CFAP299: variants seen among roughly 807,000 people sequenced by gnomAD.
CFAP299 encodes the protein cilia and flagella associated protein 299.
CFAP299 carries 21 observed loss-of-function variants against 27.0 expected under a neutral mutation model. That is an observed-to-expected ratio of 0.78 (90% CI 0.55 to 1.12). The LOEUF (loss-of-function observed/expected upper bound fraction) is 1.12, where lower values mean the gene tolerates loss of function less well. Ranked by LOEUF, CFAP299 falls within the 50% of genes most tolerant of loss-of-function variation. CFAP299 has a pLI of 0.00. For missense variants in CFAP299, 310 were observed against 276.6 expected, an observed-to-expected ratio of 1.12 and a Z score of -0.86; for synonymous variants, 104 against 98.1, an observed-to-expected ratio of 1.06 and a Z score of -0.36.
intron 2 of CFAP299, among the ~76,000 whole-genome samples, chr4:80,475,621 C>T (rs566100473): frequency 3.3e-5 from 5 of 152,162 alleles, no homozygotes; most frequent in East Asian, 1.9e-4. Flanking sequence ...AATATCTTTT[C>T]GATATGTTAA....
At chr4:80,679,103 C>A (rs1466675634) in intron 3 of CFAP299, among the ~76,000 whole-genome samples, 3 of 152,050 alleles carry the variant, frequency 2.0e-5, no homozygotes, top group Non-Finnish European at 4.4e-5. Context: ...AACCTCTAGG[C>A]TGCTCTTCAT....
At chr4:80,725,111 ATTTT>A (rs70956062) in intron 3 of CFAP299, among the ~76,000 whole-genome samples, 9,301 of 88,090 alleles carry the variant, frequency 0.11, 365 homozygotes, top group African/African-American at 0.22. Flanking sequence ...TGCCTGGCCA[ATTTT>A]TTTTTTTTTT....
At chr4:80,684,467 G>A (rs528019883) in intron 3 of CFAP299, among the ~76,000 whole-genome samples, 17 of 152,056 alleles carry the variant, frequency 1.1e-4, no homozygotes, top group Admixed American at 5.2e-4. Context: ...GGGTTTCACC[G>A]CGTTAGCCAG....
chr4:80,879,890 G>A (rs999737351), intron 4 of CFAP299, among the ~76,000 whole-genome samples: 2 of 152,144 alleles, frequency 1.3e-5, no homozygotes, highest in Non-Finnish European at 2.9e-5. Context: ...AGCATGAAAA[G>A]TCAAGTCAGT....
At chr4:80,447,119 G>GTTTTTTTTTTTTTT (rs71641487) in intron 2 of CFAP299, among the ~76,000 whole-genome samples, 2 of 65,504 alleles carry the variant, frequency 3.1e-5, no homozygotes, top group African/African-American at 9.5e-5. Context: ...CTTTTTATTT[G>GTTTTTTTTTTTTTT]TTTTTTTTTT....
chr4:80,938,669 G>C (rs1737045622), intron 4 of CFAP299, among the ~76,000 whole-genome samples: 1 of 152,128 alleles, frequency 6.6e-6, no homozygotes, highest in South Asian at 2.1e-4. Flanking sequence ...AGCGCTGCTA[G>C]GTTAGGGTCT....
chr4:80,369,181 C>G (rs1724006698), intron 2 of CFAP299, among the ~76,000 whole-genome samples: 1 of 152,212 alleles, frequency 6.6e-6, no homozygotes, highest in Admixed American at 6.5e-5. Context: ...AAGCTGTCAG[C>G]TCATGAAGCT....
intron 3 of CFAP299, among the ~76,000 whole-genome samples, chr4:80,807,500 T>C (rs1386241339): frequency 6.6e-6 from 1 of 152,074 alleles, no homozygotes; most frequent in Admixed American, 6.6e-5. Flanking sequence ...ATTTAATGCT[T>C]TAGAAAACTC....
intron 2 of CFAP299, among the ~76,000 whole-genome samples, chr4:80,382,856 T>C (rs1048866191): frequency 1.8e-4 from 28 of 152,216 alleles, no homozygotes. Context: ...ATATAAATCA[T>C]TTTATCATAA....
rs149616053 is a variant in CFAP299 at position 80,381,865 on chromosome 4, A to G, written c.242+18981A>G. Among the ~76,000 whole-genome samples, 497 of 152,238 alleles carry G rather than the reference A, an allele frequency of 3.3e-3. 4 individuals are homozygous for G. The highest frequency in any genetic ancestry group is 0.011 in the African/African-American group (460 of 41,540). On this transcript the variant is annotated intron_variant, in intron 2 of 5. Transcript: ENST00000358105. ...TATGCTTCTGGGAAATAGTTTCAAAACATTTCCTTCCTCCTGTTCCTTTTT... is the reference window on the plus strand; with the variant it reads ...TATGCTTCTGGGAAATAGTTTCAAAGCATTTCCTTCCTCCTGTTCCTTTTT...
At chr4:80,771,090 G>A (rs1726187384) in intron 3 of CFAP299, among the ~76,000 whole-genome samples, 1 of 152,080 alleles carries the variant, frequency 6.6e-6, no homozygotes, top group Admixed American at 6.6e-5. Context: ...CTAGGCATGC[G>A]TAACAGGGAG....
intron 3 of CFAP299, among the ~76,000 whole-genome samples, chr4:80,606,488 C>G (rs1278766282): frequency 6.6e-6 from 1 of 151,980 alleles, no homozygotes; most frequent in Non-Finnish European, 1.5e-5. Flanking sequence ...TGTGCCAAGA[C>G]CCTGCCATTG....
At chr4:80,495,125 C>A (rs1731369579) in intron 2 of CFAP299, among the ~76,000 whole-genome samples, 1 of 152,182 alleles carries the variant, frequency 6.6e-6, no homozygotes, top group South Asian at 2.1e-4. Context: ...CATATATAGA[C>A]AGGCTAAATT....
chr4:80,417,428 C>T (rs1578420078), intron 2 of CFAP299, among the ~76,000 whole-genome samples: 1 of 152,202 alleles, frequency 6.6e-6, no homozygotes, highest in East Asian at 1.9e-4. Context: ...TTTTACCCAG[C>T]CCCTATTCAA....
intron 3 of CFAP299, among the ~76,000 whole-genome samples, chr4:80,829,563 T>C (rs1171993552): frequency 2.0e-5 from 3 of 152,062 alleles, no homozygotes; most frequent in Non-Finnish European, 4.4e-5. Flanking sequence ...GATCCAGCAA[T>C]TTGATTTCTA....
chr4:80,944,817 A>G lies in CFAP299; in HGVS notation c.484A>G (p.Asn162Asp). The part of the protein sequence containing the change: ...LPRPTDISFY[N>D]WDADIAVSNS... ...AAATGTTTATTTTTATAGCTTTTACAACTGGGACGCTGATATTGCTGTTAG... is the reference window on the plus strand; with the variant it reads ...AAATGTTTATTTTTATAGCTTTTACGACTGGGACGCTGATATTGCTGTTAG... Residue 162 changes from asparagine (N) to aspartate (D), a missense_variant, in exon 5 of 6, where the codon AAC becomes GAC. Asn to Asp is a conservative substitution (Grantham distance 23). Transcript: ENST00000358105. The G allele has an allele frequency of 6.3e-7, 1 of 1,599,346 alleles. No individual in the cohort carries two copies. Among genetic ancestry groups the G allele is most frequent in the Non-Finnish European group, 8.5e-7 (1 of 1,171,490 alleles).
intron 3 of CFAP299, among the ~76,000 whole-genome samples, chr4:80,820,233 GGC>G (rs1729630615): frequency 6.6e-6 from 1 of 152,024 alleles, no homozygotes; most frequent in African/African-American, 2.4e-5. Context: ...TTAGATCAAA[GGC>G]CAGGTCTTTA....
chr4:80,956,882 A>G (rs1738098513), intron 5 of CFAP299, among the ~76,000 whole-genome samples: 1 of 152,098 alleles, frequency 6.6e-6, no homozygotes, highest in Non-Finnish European at 1.5e-5. Flanking sequence ...TTAGTGATAT[A>G]CCAAAATTTA....
intron 2 of CFAP299, among the ~76,000 whole-genome samples, chr4:80,424,955 A>G (rs547712110): frequency 6.6e-6 from 1 of 152,282 alleles, no homozygotes; most frequent in Non-Finnish European, 1.5e-5. Context: ...CGGATAGTGT[A>G]GAAGGAATGG....
Sources: allele counts gnomAD v4.1 joint callset (sites outside exome capture counted in the v4.1 genomes callset), GRCh38; gene constraint gnomAD v4.1.1; transcripts MANE v1.5; gene names NCBI Gene and HGNC (gene_info 2026-07-23, HGNC 2026-07-21).